Variants in NOLC1 observed in about 807,000 individuals in gnomAD.
NOLC1 encodes the protein 140 kDa nucleolar phosphoprotein.
In NOLC1, 37 loss-of-function variants were observed where a neutral mutation model predicts 73.4. The observed-to-expected ratio is 0.50, with a 90% CI of 0.39 to 0.66. NOLC1 has a LOEUF of 0.66. NOLC1 is among the 30% of genes least tolerant of loss of function. NOLC1 has a pLI of 0.00. For synonymous variants in NOLC1, 327 were observed against 302.6 expected (o/e 1.08, Z -0.84); for missense variants, 921 against 838.9 (o/e 1.10, Z -1.21).
rs1049455 is a variant in NOLC1 at position 102,160,718 on chromosome 10, T to C, written c.1366T>C (p.Ser456Pro). 0.092 allele frequency: 149,221 copies of C among 1,614,018 alleles called. 13,463 individuals are homozygous for C. The highest frequency in any genetic ancestry group is 0.48 in the African/African-American group (36,088 of 74,974). The change falls in exon 10 of 13, where the codon TCT (serine) becomes CCT (proline). Residue 456 changes from serine to proline, a missense_variant. Ser to Pro is a moderately conservative substitution (Grantham distance 74). Coordinates refer to ENST00000605788, the MANE Select transcript of NOLC1 (RefSeq NM_004741.5). ...CAAGGCGACTGCCAAAGCAGCTCTATCTCTGCCTGCCAAGCAGGCTCCTCA... is the reference window on the plus strand; with the variant it reads ...CAAGGCGACTGCCAAAGCAGCTCTACCTCTGCCTGCCAAGCAGGCTCCTCA... ...KPKATAKAAL[S>P]LPAKQAPQGS...
rs769073948 is a variant in NOLC1 at position 102,159,242 on chromosome 10, TAGC to T, written c.672_674del (p.Ser227del). The T allele has an allele frequency of 2.5e-6, 4 of 1,611,588 alleles. No homozygotes were observed. Among genetic ancestry groups the T allele is most frequent in the Non-Finnish European group, 2.5e-6 (3 of 1,178,214 alleles). ...ATGGTAAAGCAGCCAGTAGCAGCAG[TAGC>T]AGCAGCAGCAGCAGTAGCAGTGATG... On this transcript the variant is annotated inframe_deletion, in exon 6 of 13. Transcript: ENST00000605788.
intron 1 of NOLC1, among the ~76,000 whole-genome samples, chr10:102,155,322 C>G (rs1211251640): frequency 6.6e-6 from 1 of 150,976 alleles, no homozygotes; most frequent in Non-Finnish European, 1.5e-5. Flanking sequence ...CACCACAGGC[C>G]AAGCAACCGC....
At chr10:102,159,641 C>A in intron 7 of NOLC1, 73 bp downstream of exon 7, 2 of 1,419,134 alleles carry the variant, frequency 1.4e-6, no homozygotes, top group Admixed American at 2.2e-5. Context: ...TGGACCTCTC[C>A]ATAGAGGTGC....
chr10:102,154,930 G>T (rs536109107), intron 1 of NOLC1, among the ~76,000 whole-genome samples: 1 of 151,714 alleles, frequency 6.6e-6, no homozygotes, highest in Non-Finnish European at 1.5e-5. Flanking sequence ...ATCATACTTC[G>T]CTGTAGCATC....
intron 1 of NOLC1, among the ~76,000 whole-genome samples, chr10:102,155,827 T>A (rs2069585068): frequency 1.3e-5 from 2 of 152,084 alleles, no homozygotes; most frequent in Admixed American, 6.5e-5. Flanking sequence ...TGCAGTTCTT[T>A]ACATTCAATA....
At chr10:102,157,925 C>A (rs1590377170) in intron 4 of NOLC1, 124 bp from the exon 5 acceptor site, 2 of 866,084 alleles carry the variant, frequency 2.3e-6, no homozygotes, top group East Asian at 5.2e-5. Flanking sequence ...CTTTCCGTAT[C>A]CTGTCCTTAG....
In NOLC1 at chr10:102,157,292, G is replaced by A. The variant is rs1166092170; in HGVS notation, c.280G>A (p.Glu94Lys). The change falls in exon 3 of 13, where the codon GAG becomes AAG. Residue 94 changes from glutamate (E) to lysine (K), a missense_variant. Physicochemically the swap from Glu to Lys is moderately conservative, Grantham distance 56. Transcript: ENST00000605788. ...SSDSEDSSEE[E>K]EEVQGPPAKK... ...TGACAGTGAGGACAGCAGCGAGGAG[G>A]AGGAGGAAGTTCAAGGGCCTCCAGC... The A allele has an allele frequency of 3.7e-6, 6 of 1,614,116 alleles. No homozygotes were observed. The highest frequency in any genetic ancestry group is 5.1e-6 in the Non-Finnish European group (6 of 1,180,048).
chr10:102,152,403 C>T lies in NOLC1; in HGVS notation c.-8C>T, dbSNP rs1235312711. 6.2e-6 allele frequency: 10 copies of T among 1,608,600 alleles called. No individual in the cohort carries two copies. The highest frequency in any genetic ancestry group is 3.3e-4 in the Middle Eastern group (2 of 6,076). On this transcript the variant is annotated 5_prime_UTR_variant, in exon 1 of 13. Transcript: ENST00000605788. ...TCGACAACGGTAGTGACGCGTATTG[C>T]CTGGAGGATGGCGGACGCCGGCATT...
chr10:102,159,167 CTCTT>C, intron 5 of NOLC1, 22 bp from the exon 6 acceptor site: 4 of 1,583,964 alleles, frequency 2.5e-6, no homozygotes, highest in African/African-American at 1.4e-5. Flanking sequence ...ATACTCCTTA[CTCTT>C]TCTTTTTCTT....
intron 7 of NOLC1, 53 bp from the exon 8 acceptor site, chr10:102,159,843 C>T: frequency 6.9e-7 from 1 of 1,449,178 alleles, no homozygotes; most frequent in Non-Finnish European, 9.1e-7. Context: ...AAAGTAGTAT[C>T]AAAAAAAGTT....
rs753987474 is a variant in NOLC1, at chr10:102,161,069, G to T, written c.1717G>T (p.Ala573Ser). 9.9e-6 allele frequency: 16 copies of T among 1,609,250 alleles called. No homozygotes were observed. The South Asian group carries it at 1.4e-4, about 14-fold the overall frequency. Residue 573 changes from alanine to serine, a missense_variant, in exon 10 of 13, where the codon GCG becomes TCG. By Grantham distance (99) the Ala-to-Ser change is moderately conservative (BLOSUM62 1). Coordinates refer to ENST00000605788, the MANE Select transcript of NOLC1 (RefSeq NM_004741.5). Reference sequence around the variant, plus strand: ...GGAGGAGGAAGAAGAAAAGAAAAAGGCGGCAGTGGTAGTTTCCAAATCAGG... The same window carrying T: ...GGAGGAGGAAGAAGAAAAGAAAAAGTCGGCAGTGGTAGTTTCCAAATCAGG... ...SEEEEEEKKK[A>S]AVVVSKSGSL...
intron 1 of NOLC1, among the ~76,000 whole-genome samples, chr10:102,154,626 G>GTGCCTCAGCCTCA (rs775038009): frequency 6.6e-6 from 1 of 151,098 alleles, no homozygotes; most frequent in Non-Finnish European, 1.5e-5. Context: ...AGCGATTCTT[G>GTGCCTCAGCCTCA]TGCCTCAGCC....
intron 5 of NOLC1, 29 bp downstream of exon 5, chr10:102,158,243 C>G (rs1564969264): frequency 6.8e-6 from 11 of 1,608,054 alleles, no homozygotes; most frequent in Non-Finnish European, 9.4e-6. Flanking sequence ...AGAGGCTGGG[C>G]TGGGGACCAG....
In NOLC1 at chr10:102,163,280, C is replaced by CG. The variant is rs1236505474; in HGVS notation, c.*1011_*1012insG. ...AAAAACAAACGTTAAAACCTCAATC[C>CG]TCAGTAGGAAGGTAGATTACATTAG... On this transcript the variant is annotated 3_prime_UTR_variant, in exon 13 of 13. Transcript: ENST00000605788. 6.6e-6 allele frequency: 1 copy of CG among 152,084 alleles called. No homozygotes were observed. Among genetic ancestry groups the CG allele is most frequent in the Non-Finnish European group, 1.5e-5 (1 of 68,022 alleles). The allele number at this position is 152,084 out of a possible 1,614,324, so 9.4% of individuals were successfully genotyped here.
chr10:102,162,017 G>A, intron 12 of NOLC1, 92 bp downstream of exon 12: 4 of 1,602,586 alleles, frequency 2.5e-6, no homozygotes, highest in Non-Finnish European at 3.4e-6. Context: ...ATCTTCTCTG[G>A]GTTCAGGTTT....
chr10:102,153,101 G>A (rs914641980), intron 1 of NOLC1, among the ~76,000 whole-genome samples: 8 of 152,182 alleles, frequency 5.3e-5, no homozygotes, highest in Non-Finnish European at 1.2e-4. Flanking sequence ...TGGAGCTTTG[G>A]CTAATTGAAT....
chr10:102,157,491 G>C lies in NOLC1; in HGVS notation c.377G>C (p.Ser126Thr). Residue 126 changes from serine to threonine, a missense_variant, in exon 4 of 13, where the codon AGT becomes ACT. Physicochemically the swap from Ser to Thr is moderately conservative, Grantham distance 58. Coordinates refer to ENST00000605788, the MANE Select transcript of NOLC1 (RefSeq NM_004741.5). ...PGKAAAKASE[S>T]SSSEESSDDD... Reference sequence around the variant, plus strand: ...AAGGCTGCAGCCAAAGCATCAGAGAGTAGCAGCAGTGAAGAGTCCAGTGAT... The same window carrying C: ...AAGGCTGCAGCCAAAGCATCAGAGACTAGCAGCAGTGAAGAGTCCAGTGAT... 1 of 1,614,216 alleles carries C rather than the reference G, an allele frequency of 6.2e-7. No homozygotes were observed. Among genetic ancestry groups the C allele is most frequent in the Non-Finnish European group, 8.5e-7 (1 of 1,180,028 alleles).
rs375945128 is a variant in NOLC1 at position 102,160,435 on chromosome 10, A to C, written c.1100-17A>C. The C allele has an allele frequency of 6.2e-7, 1 of 1,612,402 alleles. No homozygotes were observed. Among genetic ancestry groups the C allele is most frequent in the Non-Finnish European group, 8.5e-7 (1 of 1,179,190 alleles). On this transcript the variant is annotated splice_polypyrimidine_tract_variant and intron_variant, in intron 9 of 12. Transcript: ENST00000605788. ...TCCAATTTGGGGAGCTGTTGATTCC[A>C]TCCCTTCTGTGTCTAGACTCTGACA...
At chr10:102,154,621 T>C (rs2069559727) in intron 1 of NOLC1, among the ~76,000 whole-genome samples, 1 of 151,794 alleles carries the variant, frequency 6.6e-6, no homozygotes, top group African/African-American at 2.4e-5. Context: ...GTTGAAGCGA[T>C]TCTTGTGCCT....
Sources: allele counts gnomAD v4.1 joint callset (sites outside exome capture counted in the v4.1 genomes callset), GRCh38; gene constraint gnomAD v4.1.1; transcripts MANE v1.5; gene names NCBI Gene and HGNC (gene_info 2026-07-23, HGNC 2026-07-21).